Variants in ELP4 observed in about 807,000 individuals in gnomAD.
ELP4 encodes the protein elongator complex protein 4.
A neutral mutation model predicts 48.9 loss-of-function variants in ELP4; 51 were observed. The observed-to-expected ratio is 1.04, with a 90% confidence interval of 0.83 to 1.32. The LOEUF (loss-of-function observed/expected upper bound fraction) is 1.32. ELP4 is among the 40% of genes most tolerant of loss of function. ELP4 has a pLI of 0.00. For missense variants in ELP4, 519 were observed against 514.6 expected (o/e 1.01, Z -0.08); for synonymous variants, 210 against 189.2 (o/e 1.11, Z -0.90).
At position 31,720,981 on chromosome 11, in the gene ELP4, G is replaced by A. The variant is rs556657662; in HGVS notation, c.1144-62412G>A. ...CTCAATTTGCTCACTCTGCCCCATC[G>A]GTCAAAATTGCTATTCAAAATGTGC... On this transcript the variant is annotated intron_variant, in intron 9 of 9. Coordinates refer to ENST00000640961, the MANE Select transcript of ELP4 (RefSeq NM_019040.5). 7.9e-5 allele frequency among the ~76,000 whole-genome samples: 12 copies of A among 152,236 alleles called. No homozygotes were observed. In the South Asian group the frequency reaches 8.3e-4, roughly 11 times the overall value.
intron 3 of ELP4, among the ~76,000 whole-genome samples, chr11:31,561,041 A>G (rs1453189863): frequency 2.6e-5 from 4 of 152,064 alleles, no homozygotes; most frequent in African/African-American, 9.7e-5. Context: ...CAGTGACAGA[A>G]TCTCATTTCT....
chr11:31,623,139 T>C (rs1565084017), intron 5 of ELP4, among the ~76,000 whole-genome samples: 1 of 150,744 alleles, frequency 6.6e-6, no homozygotes, highest in Admixed American at 6.6e-5. Flanking sequence ...AAGGATGTTT[T>C]AAATAATTTG....
intron 7 of ELP4, among the ~76,000 whole-genome samples, chr11:31,640,523 C>G (rs1272316551): frequency 6.6e-6 from 1 of 152,008 alleles, no homozygotes; most frequent in South Asian, 2.1e-4. Flanking sequence ...CTATTAATTA[C>G]ATTATTATTG....
At chr11:31,612,756 G>T (rs1237052532) in intron 5 of ELP4, among the ~76,000 whole-genome samples, 1 of 152,160 alleles carries the variant, frequency 6.6e-6, no homozygotes, top group Non-Finnish European at 1.5e-5. Flanking sequence ...TGTAAGCCAG[G>T]TGCAGAGTCT....
intron 9 of ELP4, among the ~76,000 whole-genome samples, chr11:31,735,725 A>G (rs920328966): frequency 2.0e-5 from 3 of 152,200 alleles, no homozygotes; most frequent in African/African-American, 7.2e-5. Flanking sequence ...CCCATTCACA[A>G]TTGCTTCAAA....
At chr11:31,670,019 A>G (rs1178978046) in intron 9 of ELP4, among the ~76,000 whole-genome samples, 2 of 152,098 alleles carry the variant, frequency 1.3e-5, no homozygotes, top group African/African-American at 2.4e-5. Flanking sequence ...CACACAACTC[A>G]TCCTTCCCTG....
chr11:31,620,932 A>G (rs1944608025), intron 5 of ELP4, among the ~76,000 whole-genome samples: 2 of 151,880 alleles, frequency 1.3e-5, no homozygotes, highest in Admixed American at 1.3e-4. Context: ...CATGGTGAAG[A>G]TAATCAAACT....
At position 31,787,276 on chromosome 11, in the gene ELP4, C is replaced by G; in HGVS notation, c.*3752C>G. ...TGCTACTTTGCCCTGGCAATCCTGACCTTCAGAGCACACATATACGTGCCC... is the reference window on the plus strand; with the variant it reads ...TGCTACTTTGCCCTGGCAATCCTGAGCTTCAGAGCACACATATACGTGCCC... On this transcript the variant is annotated 3_prime_UTR_variant, in exon 10 of 10. Transcript: ENST00000640961. 4.3e-6 allele frequency: 1 copy of G among 233,150 alleles called. No individual in the cohort carries two copies. The highest frequency in any genetic ancestry group is 8.5e-6 in the Non-Finnish European group (1 of 117,986). 14.4% of individuals were successfully genotyped at this position (233,150 alleles called of 1,614,324 possible).
intron 9 of ELP4, among the ~76,000 whole-genome samples, chr11:31,672,137 A>G (rs1212954608): frequency 6.6e-6 from 1 of 151,956 alleles, no homozygotes; most frequent in Non-Finnish European, 1.5e-5. Flanking sequence ...ACCTCTGGAT[A>G]CCCCCTGTAA....
intron 9 of ELP4, among the ~76,000 whole-genome samples, chr11:31,690,729 C>T (rs2134137950): frequency 6.7e-6 from 1 of 149,530 alleles, no homozygotes; most frequent in East Asian, 2.0e-4. Flanking sequence ...CTGGTAGTAA[C>T]TAGTCATTAC....
intron 3 of ELP4, among the ~76,000 whole-genome samples, chr11:31,588,869 G>A (rs975098786): frequency 5.9e-5 from 9 of 152,272 alleles, no homozygotes; most frequent in African/African-American, 2.2e-4. Flanking sequence ...AGTCATCCCA[G>A]CTGTTCAGGA....
chr11:31,698,421 ATTT>A (rs879839086), intron 9 of ELP4, among the ~76,000 whole-genome samples: 1 of 151,414 alleles, frequency 6.6e-6, no homozygotes, highest in African/African-American at 2.4e-5. Flanking sequence ...CCATAGAAAA[ATTT>A]TTTTTTGAGA....
At chr11:31,731,203 A>G (rs1283009012) in intron 9 of ELP4, among the ~76,000 whole-genome samples, 3 of 152,208 alleles carry the variant, frequency 2.0e-5, no homozygotes, top group South Asian at 2.1e-4. Flanking sequence ...AAATAGGCCA[A>G]TCAAAGGAGC....
chr11:31,757,504 A>G (rs1473850443), intron 9 of ELP4, among the ~76,000 whole-genome samples: 1 of 152,080 alleles, frequency 6.6e-6, no homozygotes, highest in Non-Finnish European at 1.5e-5. Flanking sequence ...TATGCTCCAC[A>G]TCTTTATCTC....
At chr11:31,534,468 G>T (rs186360609) in intron 2 of ELP4, among the ~76,000 whole-genome samples, 1 of 152,198 alleles carries the variant, frequency 6.6e-6, no homozygotes, top group East Asian at 1.9e-4. Context: ...CCTAAAAGCT[G>T]CATGAAAAGT....
Position 31,550,593 on chromosome 11 carries a change from A to T in ELP4, c.381+10810A>T, listed in dbSNP as rs140622637. ...AAATAGTGACATTTACAGATTTTGTATTAAGATTGGGAGACAAAAAAGAGT... is the reference window on the plus strand; with the variant it reads ...AAATAGTGACATTTACAGATTTTGTTTTAAGATTGGGAGACAAAAAAGAGT... On this transcript the variant is annotated intron_variant, in intron 3 of 9. Coordinates refer to ENST00000640961, the MANE Select transcript of ELP4 (RefSeq NM_019040.5). Among the ~76,000 whole-genome samples, 519 of 152,238 alleles carry T rather than the reference A, an allele frequency of 3.4e-3. 5 individuals carry two copies. The highest frequency in any genetic ancestry group is 0.012 in the African/African-American group (494 of 41,542).
chr11:31,703,495 G>C (rs1946569349), intron 9 of ELP4, among the ~76,000 whole-genome samples: 1 of 152,106 alleles, frequency 6.6e-6, no homozygotes, highest in African/African-American at 2.4e-5. Flanking sequence ...CTTCATTTAT[G>C]AGAGAATTTG....
chr11:31,521,915 T>A (rs1956220123), intron 2 of ELP4, among the ~76,000 whole-genome samples: 1 of 152,184 alleles, frequency 6.6e-6, no homozygotes, highest in Admixed American at 6.5e-5. Context: ...TTGATTTCCC[T>A]GTTGGCTCTT....
At chr11:31,744,216 C>T (rs1947524858) in intron 9 of ELP4, among the ~76,000 whole-genome samples, 3 of 152,150 alleles carry the variant, frequency 2.0e-5, no homozygotes, top group Admixed American at 2.0e-4. Context: ...TCTGAATAGA[C>T]CAATAACAGG....
Sources: allele counts gnomAD v4.1 joint callset (sites outside exome capture counted in the v4.1 genomes callset), GRCh38; gene constraint gnomAD v4.1.1; transcripts MANE v1.5; gene names NCBI Gene and HGNC (gene_info 2026-07-23, HGNC 2026-07-21).